Variants in FLRT2 observed in about 807,000 individuals in gnomAD.
FLRT2 encodes leucine-rich repeat transmembrane protein FLRT2.
In FLRT2, 15 loss-of-function variants were observed where a neutral mutation model predicts 40.0. The ratio of observed to expected loss-of-function variants is 0.38; its 90% CI spans 0.25 to 0.58. The LOEUF is 0.58. Ranked by LOEUF, FLRT2 falls within the 20% of genes least tolerant of loss-of-function variation. The probability of loss-of-function intolerance (pLI) is 0.71; values close to 1 mark genes in which losing one functional copy is unlikely to be tolerated. For missense variants in FLRT2, 726 were observed against 840.0 expected (o/e 0.86, Z 1.68); for synonymous variants, 380 against 336.8 (o/e 1.13, Z -1.41).
At chr14:85,605,656 G>C (rs1487407427) in intron 1 of FLRT2, among the ~76,000 whole-genome samples, 1 of 152,068 alleles carries the variant, frequency 6.6e-6, no homozygotes, top group African/African-American at 2.4e-5. Flanking sequence ...TGTAGTCCCA[G>C]CTACTCGGGA....
At chr14:85,571,228 T>G (rs1890879610) in intron 1 of FLRT2, among the ~76,000 whole-genome samples, 1 of 152,308 alleles carries the variant, frequency 6.6e-6, no homozygotes, top group South Asian at 2.1e-4. Context: ...TCATGTTAAC[T>G]TAGGGTCTGC....
intron 1 of FLRT2, among the ~76,000 whole-genome samples, chr14:85,616,737 A>G (rs1024003427): frequency 2.0e-5 from 3 of 152,152 alleles, no homozygotes; most frequent in African/African-American, 7.2e-5. Flanking sequence ...CTCTAGGGTT[A>G]AGAACTCTTT....
At position 85,622,002 on chromosome 14, in the gene FLRT2, T is replaced by A; in HGVS notation, c.488T>A (p.Leu163Ter). Reference protein sequence around the residue: ...GAFREAISLKLLFLSKNHLSS... With the variant: ...GAFREAISLK ...TTCCGGGAGGCTATTAGCCTCAAAT[T>A]GTTGTTTTTGTCTAAGAATCACCTG... is the stretch of plus-strand genomic sequence containing the variant. The change falls in exon 2 of 2, where the codon TTG becomes TAG. Residue 163 changes from leucine (L) to a stop codon, truncating the protein, a stop_gained. Coordinates refer to ENST00000330753, the MANE Select transcript of FLRT2 (RefSeq NM_013231.6). LOFTEE classifies it high-confidence loss of function. 1 of 1,608,220 alleles carries A rather than the reference T, an allele frequency of 6.2e-7. No homozygotes were observed.
intron 1 of FLRT2, among the ~76,000 whole-genome samples, chr14:85,618,316 G>C (rs1165249212): frequency 2.0e-5 from 3 of 152,086 alleles, no homozygotes; most frequent in African/African-American, 7.2e-5. Flanking sequence ...TTCTCTCCTA[G>C]GACATTCTTT....
intron 1 of FLRT2, among the ~76,000 whole-genome samples, chr14:85,556,114 C>A (rs1355607612): frequency 6.6e-6 from 1 of 152,140 alleles, no homozygotes; most frequent in East Asian, 1.9e-4. Context: ...CATGGAATAT[C>A]TTCAATGCAA....
chr14:85,621,910 C>A lies in FLRT2; in HGVS notation c.396C>A (p.Leu132=). ...TTTCACGGGCTGCTCTTGCCCAGCTCTTGAAGCTTGAAGAGCTGCACCTGG... is the reference window on the plus strand; with the variant it reads ...TTTCACGGGCTGCTCTTGCCCAGCTATTGAAGCTTGAAGAGCTGCACCTGG... ...QTISRAALAQ[L]LKLEELHLDD... is the part of the protein sequence containing the mutation. The change falls in exon 2 of 2, where the codon CTC becomes CTA. Residue 132 remains leucine, a synonymous_variant. Transcript: ENST00000330753. 6.2e-7 allele frequency: 1 copy of A among 1,602,462 alleles called. No homozygotes were observed. Among genetic ancestry groups the A allele is most frequent in the Non-Finnish European group, 8.5e-7 (1 of 1,173,530 alleles).
intron 1 of FLRT2, among the ~76,000 whole-genome samples, chr14:85,564,478 A>G (rs1434187408): frequency 6.6e-6 from 1 of 152,192 alleles, no homozygotes; most frequent in African/African-American, 2.4e-5. Flanking sequence ...AGGTAATTAA[A>G]AGCCTAAGTC....
chr14:85,536,816 TAGAG>T (rs1250580342), intron 1 of FLRT2, among the ~76,000 whole-genome samples: 14 of 152,200 alleles, frequency 9.2e-5, no homozygotes, highest in African/African-American at 2.4e-4. Context: ...TATGGACTAA[TAGAG>T]AGGCAACTAA....
intron 1 of FLRT2, among the ~76,000 whole-genome samples, chr14:85,575,956 G>A (rs899539154): frequency 3.3e-5 from 5 of 152,184 alleles, no homozygotes; most frequent in African/African-American, 1.2e-4. Context: ...AAGGAGTTCA[G>A]AAAACCTTAA....
rs192562006 is a variant in FLRT2, at chr14:85,644,489, A to G, written c.*20992A>G. On this transcript the variant is annotated 3_prime_UTR_variant, in exon 2 of 2. Transcript: ENST00000330753. ...ATGTGACTGAAGTGGAAGAACTGGA[A>G]GGAAAAGATAACCTAGAAACTCAGT... is the stretch of plus-strand genomic sequence containing the variant. 2.6e-5 allele frequency: 4 copies of G among 152,310 alleles called. No homozygotes were observed. Among genetic ancestry groups the G allele is most frequent in the African/African-American group, 7.2e-5 (3 of 41,576 alleles). 9.4% of individuals were successfully genotyped at this position (152,310 alleles called of 1,614,324 possible).
At position 85,632,731 on chromosome 14, in the gene FLRT2, G is replaced by A. The variant is rs1279611766; in HGVS notation, c.*9234G>A. The A allele has an allele frequency of 6.6e-6, 1 of 152,144 alleles. No individual in the cohort carries two copies. The highest frequency in any genetic ancestry group is 2.4e-5 in the African/African-American group (1 of 41,428). 9.4% of individuals were successfully genotyped at this position (152,144 alleles called of 1,614,324 possible). A position where few individuals can be genotyped will look rare whatever the true frequency, so the allele number is the denominator to read the frequency against. On this transcript the variant is annotated 3_prime_UTR_variant, in exon 2 of 2. Transcript: ENST00000330753. ...TGTGTTATCTTGGTTATTGCCATGA[G>A]AATAGTCTTTCCTAGAAATGATATG... is the stretch of plus-strand genomic sequence containing the variant.
At chr14:85,599,359 T>G (rs1892285959) in intron 1 of FLRT2, among the ~76,000 whole-genome samples, 1 of 151,906 alleles carries the variant, frequency 6.6e-6, no homozygotes, top group South Asian at 2.1e-4. Flanking sequence ...TGTAAACCAC[T>G]GTGAAGAACA....
At chr14:85,599,433 A>G (rs953567341) in intron 1 of FLRT2, among the ~76,000 whole-genome samples, 3 of 152,108 alleles carry the variant, frequency 2.0e-5, no homozygotes, top group Non-Finnish European at 4.4e-5. Flanking sequence ...TAAAGCAACC[A>G]TGTAAAGTAG....
chr14:85,556,443 A>G (rs1889968157), intron 1 of FLRT2, among the ~76,000 whole-genome samples: 1 of 152,168 alleles, frequency 6.6e-6, no homozygotes, highest in Non-Finnish European at 1.5e-5. Context: ...CCTGGGCTTG[A>G]TCTGGGGAGG....
rs775514778 is a variant in FLRT2 at position 85,622,721 on chromosome 14, T to C, written c.1207T>C (p.Ser403Pro). 3 of 1,613,776 alleles carry C rather than the reference T, an allele frequency of 1.9e-6. No individual in the cohort carries two copies. Among genetic ancestry groups the C allele is most frequent in the African/African-American group, 2.7e-5 (2 of 74,838 alleles). Residue 403 changes from serine to proline, a missense_variant, in exon 2 of 2, where the codon TCG becomes CCG. Physicochemically the swap from Ser to Pro is moderately conservative, Grantham distance 74. This residue lies in a region of FLRT2 where 611 missense variants were observed against 690.0 expected (regional missense o/e 0.89). Transcript: ENST00000330753. ...CTACACGCCTCCAACTCCTACCACA[T>C]CGAAACTTCCCACGATTCCTGACTG... ...RSYTPPTPTT[S>P]KLPTIPDWDG... is the part of the protein sequence containing the mutation.
At chr14:85,573,117 T>C (rs1053418927) in intron 1 of FLRT2, among the ~76,000 whole-genome samples, 1 of 152,150 alleles carries the variant, frequency 6.6e-6, no homozygotes, top group African/African-American at 2.4e-5. Context: ...GATTTGTCTA[T>C]CATATCCTCC....
At position 85,648,120 on chromosome 14, in the gene FLRT2, A is replaced by C. The variant is rs1229631346; in HGVS notation, c.*24623A>C. On this transcript the variant is annotated 3_prime_UTR_variant, in exon 2 of 2. Coordinates refer to ENST00000330753, the MANE Select transcript of FLRT2 (RefSeq NM_013231.6). ...TGAAGGTTAAAGAAAACCCAGCTAT[A>C]GATTCAGTGACTAACAAAATTTGGG... 1 of 152,188 alleles carries C rather than the reference A, an allele frequency of 6.6e-6. No homozygotes were observed. Among genetic ancestry groups the C allele is most frequent in the Non-Finnish European group, 1.5e-5 (1 of 68,034 alleles). 9.4% of individuals were successfully genotyped at this position (152,188 alleles called of 1,614,324 possible).
In FLRT2 at chr14:85,643,262, C is replaced by A. The variant is rs1894194584; in HGVS notation, c.*19765C>A. Reference sequence around the variant, plus strand: ...TTCACTTTAATGTCTAAAAACATCTCATGAGAGAGTTCAGAGGGTATTTCT... The same window carrying A: ...TTCACTTTAATGTCTAAAAACATCTAATGAGAGAGTTCAGAGGGTATTTCT... On this transcript the variant is annotated 3_prime_UTR_variant, in exon 2 of 2. Transcript: ENST00000330753. The A allele has an allele frequency of 6.6e-6, 1 of 152,210 alleles. No homozygotes were observed. The highest frequency in any genetic ancestry group is 1.5e-5 in the Non-Finnish European group (1 of 68,110). The allele number at this position is 152,210 out of a possible 1,614,324, so 9.4% of individuals were successfully genotyped here.
intron 1 of FLRT2, among the ~76,000 whole-genome samples, chr14:85,583,500 C>T (rs540243520): frequency 4.6e-5 from 7 of 152,202 alleles, no homozygotes; most frequent in Admixed American, 2.0e-4. Context: ...ATTTTAGGAA[C>T]AGAACGCTCC....
Sources: allele counts gnomAD v4.1 joint callset (sites outside exome capture counted in the v4.1 genomes callset), GRCh38; gene constraint gnomAD v4.1.1; regional missense constraint gnomAD v4.1.1; transcripts MANE v1.5; gene names NCBI Gene and HGNC (gene_info 2026-07-23, HGNC 2026-07-21).